The following SKIC3 variants were observed in gnomAD, a reference collection of about 807,000 sequenced individuals.
SKIC3 encodes the protein superkiller complex protein 3.
the SKIC3 span, chr5:95,484,969 T>C: frequency 2.0e-6 from 2 of 998,006 alleles, no homozygotes; most frequent in East Asian, 5.0e-5. Context: ...CAAAGTTACA[T>C]GTGCCACATG....
the SKIC3 span, among the ~76,000 whole-genome samples, chr5:95,545,595 T>A: frequency 1.3e-5 from 2 of 152,158 alleles, no homozygotes; most frequent in African/African-American, 4.8e-5. Context: ...TGCAGATGAC[T>A]TCTTTTACAG....
At chr5:95,554,538 A>G in the SKIC3 span, among the ~76,000 whole-genome samples, 1 of 152,210 alleles carries the variant, frequency 6.6e-6, no homozygotes, top group Non-Finnish European at 1.5e-5. Context: ...GAAGGCAAGG[A>G]ACAGCTATGC....
chr5:95,499,962 C>G, the SKIC3 span, among the ~76,000 whole-genome samples: 381 of 151,764 alleles, frequency 2.5e-3, no homozygotes, highest in African/African-American at 8.9e-3. Flanking sequence ...AACAACCAAA[C>G]TTATAAGAAT....
At chr5:95,546,626 C>A in the SKIC3 span, among the ~76,000 whole-genome samples, 1 of 152,154 alleles carries the variant, frequency 6.6e-6, no homozygotes, top group Admixed American at 6.5e-5. Context: ...TTCACTCCTA[C>A]CACTACCCTC....
the SKIC3 span, among the ~76,000 whole-genome samples, chr5:95,538,976 G>C: frequency 6.6e-6 from 1 of 152,146 alleles, no homozygotes; most frequent in Non-Finnish European, 1.5e-5. Context: ...AGTTACTGAT[G>C]TATTGCAGAT....
chr5:95,502,161 C>G, the SKIC3 span, among the ~76,000 whole-genome samples: 1 of 152,038 alleles, frequency 6.6e-6, no homozygotes, highest in Non-Finnish European at 1.5e-5. Context: ...TTTGATGTCA[C>G]AATGACTGAG....
the SKIC3 span, chr5:95,522,324 C>T: frequency 1.4e-4 from 232 of 1,611,650 alleles, 1 homozygote; most frequent in Non-Finnish European, 1.8e-4. Flanking sequence ...TTTAAAAAAC[C>T]GTAAGAGAAC....
the SKIC3 span, among the ~76,000 whole-genome samples, chr5:95,534,807 C>T: frequency 2.0e-5 from 3 of 152,162 alleles, no homozygotes; most frequent in Non-Finnish European, 4.4e-5. Flanking sequence ...AACCATTCCA[C>T]GTCATTTTCA....
the SKIC3 span, chr5:95,509,671 A>G: frequency 6.2e-7 from 1 of 1,612,398 alleles, no homozygotes; most frequent in Non-Finnish European, 8.5e-7. Context: ...AAGCTGGGGC[A>G]TAATTCTGAA....
chr5:95,545,100 G>A, the SKIC3 span, among the ~76,000 whole-genome samples: 1 of 152,104 alleles, frequency 6.6e-6, no homozygotes, highest in African/African-American at 2.4e-5. Context: ...ACTATTTGGT[G>A]GAATTAATAT....
the SKIC3 span, chr5:95,521,984 C>T: frequency 6.3e-7 from 1 of 1,596,026 alleles, no homozygotes; most frequent in African/African-American, 1.3e-5. Context: ...TACATTTAGG[C>T]AGGAAATCTA....
At chr5:95,488,394 T>C in the SKIC3 span, among the ~76,000 whole-genome samples, 212 of 151,984 alleles carry the variant, frequency 1.4e-3, no homozygotes, top group African/African-American at 4.9e-3. Context: ...AGATAACCCA[T>C]CAAAAGTCAA....
At chr5:95,502,852 G>A in the SKIC3 span, 1 of 1,610,974 alleles carries the variant, frequency 6.2e-7, no homozygotes. Flanking sequence ...ATCTGGTCAT[G>A]TTAAGTGTTG....
the SKIC3 span, among the ~76,000 whole-genome samples, chr5:95,487,351 C>T: frequency 6.6e-6 from 1 of 152,208 alleles, no homozygotes; most frequent in East Asian, 1.9e-4. Flanking sequence ...CCTAATACAC[C>T]AATGCTGCCA....
At chr5:95,539,692 A>G in the SKIC3 span, among the ~76,000 whole-genome samples, 86 of 152,052 alleles carry the variant, frequency 5.7e-4, no homozygotes, top group Admixed American at 3.3e-3. Flanking sequence ...GAAAATACAA[A>G]AATTAGCCAG....
chr5:95,518,447 C>A, the SKIC3 span, among the ~76,000 whole-genome samples: 18 of 152,074 alleles, frequency 1.2e-4, no homozygotes, highest in South Asian at 3.7e-3. Context: ...CAAGTATTAC[C>A]CATATATCCT....
At chr5:95,464,570 C>T in the SKIC3 span, 1 of 1,513,924 alleles carries the variant, frequency 6.6e-7, no homozygotes, top group East Asian at 2.3e-5. Context: ...ATTCTTACAG[C>T]TTTTTCTTTG....
the SKIC3 span, chr5:95,543,304 A>G: frequency 1.9e-6 from 3 of 1,614,000 alleles, no homozygotes; most frequent in Non-Finnish European, 8.5e-7. Context: ...CATTATAGTT[A>G]TTTTTCTCTT....
the SKIC3 span, among the ~76,000 whole-genome samples, chr5:95,465,001 C>A: frequency 1.4e-5 from 2 of 145,350 alleles, no homozygotes; most frequent in Admixed American, 7.0e-5. Context: ...CTTGGTGGCT[C>A]ACTGCAACCT....
Sources: allele counts gnomAD v4.1 joint callset (sites outside exome capture counted in the v4.1 genomes callset), GRCh38; gene constraint gnomAD v4.1.1; transcripts MANE v1.5; gene names NCBI Gene and HGNC (gene_info 2026-07-23, HGNC 2026-07-21).